Variants in RORA observed in about 807,000 individuals in gnomAD.
RORA encodes the protein nuclear receptor ROR-alpha.
RORA carries 7 observed loss-of-function variants against 69.5 expected under a neutral mutation model. The observed-to-expected ratio is 0.10, with a 90% CI of 0.06 to 0.19. The LOEUF (loss-of-function observed/expected upper bound fraction) is 0.19, where lower values mean the gene tolerates loss of function less well. Ranked by LOEUF, RORA falls within the 10% of genes least tolerant of loss-of-function variation. RORA has a pLI of 1.00. For missense variants in RORA, 457 were observed against 663.0 expected, an observed-to-expected ratio of 0.69 and a Z score of 3.41; for synonymous variants, 261 against 240.8, an observed-to-expected ratio of 1.08 and a Z score of -0.78.
intron 1 of RORA, among the ~76,000 whole-genome samples, chr15:61,103,191 G>C (rs904463737): frequency 1.2e-4 from 18 of 152,176 alleles, no homozygotes; most frequent in Non-Finnish European, 1.5e-5. Flanking sequence ...GTGAGATGTG[G>C]GCTGCCCTCC....
chr15:61,047,660 G>A (rs782948), intron 1 of RORA, among the ~76,000 whole-genome samples: 8,982 of 152,068 alleles, frequency 0.059, 366 homozygotes, highest in East Asian at 0.15. Context: ...CTCATTTTGC[G>A]GTATTGTTCC....
intron 1 of RORA, among the ~76,000 whole-genome samples, chr15:60,689,828 G>T (rs944019087): frequency 3.3e-5 from 5 of 152,116 alleles, no homozygotes; most frequent in Admixed American, 6.5e-5. Flanking sequence ...AGGATTTCTA[G>T]CAACTACCAG....
chr15:60,949,740 A>G (rs1893024238), intron 1 of RORA, among the ~76,000 whole-genome samples: 1 of 152,156 alleles, frequency 6.6e-6, no homozygotes, highest in South Asian at 2.1e-4. Context: ...TTAGCATTAC[A>G]TTTCCCATGT....
intron 1 of RORA, among the ~76,000 whole-genome samples, chr15:61,009,591 TAAC>T (rs935759071): frequency 8.5e-5 from 13 of 152,358 alleles, no homozygotes; most frequent in South Asian, 6.2e-4. Flanking sequence ...ATGAAGCTGT[TAAC>T]AACAGTGAGA....
chr15:60,739,549 T>A (rs1252646788), intron 1 of RORA, among the ~76,000 whole-genome samples: 1 of 151,518 alleles, frequency 6.6e-6, no homozygotes, highest in East Asian at 1.9e-4. Flanking sequence ...CCAGGCTGGG[T>A]AACACAGCAA....
chr15:60,581,253 G>C (rs753366567), intron 2 of RORA, among the ~76,000 whole-genome samples: 14 of 152,168 alleles, frequency 9.2e-5, no homozygotes, highest in Non-Finnish European at 2.1e-4. Flanking sequence ...ACAGCAGCAG[G>C]GGGCTTAGAA....
At chr15:60,549,611 A>G (rs1214221756) in intron 2 of RORA, among the ~76,000 whole-genome samples, 3 of 152,218 alleles carry the variant, frequency 2.0e-5, no homozygotes, top group Non-Finnish European at 4.4e-5. Context: ...AAATTCTCAC[A>G]GAAAGATTGC....
At chr15:60,925,949 T>C (rs1321005619) in intron 1 of RORA, among the ~76,000 whole-genome samples, 1 of 152,190 alleles carries the variant, frequency 6.6e-6, no homozygotes, top group Non-Finnish European at 1.5e-5. Flanking sequence ...ACACATCACA[T>C]GGTGACCAAA....
At chr15:60,955,918 A>G (rs567314825) in intron 1 of RORA, among the ~76,000 whole-genome samples, 6 of 152,370 alleles carry the variant, frequency 3.9e-5, no homozygotes, top group African/African-American at 1.4e-4. Flanking sequence ...GACATCTGAA[A>G]TTGCAAAGCG....
intron 1 of RORA, among the ~76,000 whole-genome samples, chr15:60,895,651 A>G (rs1232479686): frequency 6.6e-6 from 1 of 152,234 alleles, no homozygotes; most frequent in African/African-American, 2.4e-5. Flanking sequence ...AAAATAAAAT[A>G]AACTCTGTCA....
At chr15:60,993,158 A>C (rs1396909316) in intron 1 of RORA, among the ~76,000 whole-genome samples, 1 of 152,194 alleles carries the variant, frequency 6.6e-6, no homozygotes, top group Non-Finnish European at 1.5e-5. Flanking sequence ...TCCAAGTTGA[A>C]AAAGTACCCT....
At chr15:61,107,635 T>G (rs1287137730) in intron 1 of RORA, among the ~76,000 whole-genome samples, 2 of 152,016 alleles carry the variant, frequency 1.3e-5, no homozygotes, top group African/African-American at 4.8e-5. Context: ...ACTATTGATA[T>G]GTTAATTAAA....
intron 1 of RORA, among the ~76,000 whole-genome samples, chr15:61,214,863 CT>C (rs34041868): frequency 2.4e-3 from 252 of 107,058 alleles, no homozygotes; most frequent in African/African-American, 6.4e-3. Context: ...CCTTCTTGGA[CT>C]TTTTTTTTTT....
At chr15:60,593,121 G>A (rs979203718) in intron 2 of RORA, 1 of 320,028 alleles carries the variant, frequency 3.1e-6, no homozygotes, top group South Asian at 2.3e-5. Context: ...AAGTCTTTCT[G>A]GAGAGACTCG....
At chr15:61,008,401 G>A (rs747536544) in intron 1 of RORA, among the ~76,000 whole-genome samples, 31 of 152,046 alleles carry the variant, frequency 2.0e-4, no homozygotes, top group Non-Finnish European at 1.5e-5. Context: ...TATTCCAGCT[G>A]CACCCACAAG....
intron 1 of RORA, among the ~76,000 whole-genome samples, chr15:60,780,249 T>G (rs1198777918): frequency 6.6e-6 from 1 of 152,224 alleles, no homozygotes; most frequent in East Asian, 1.9e-4. Context: ...GAGACTCTTA[T>G]GTCCAATTCA....
chr15:60,672,705 G>A (rs557857553), intron 2 of RORA, among the ~76,000 whole-genome samples: 135 of 152,206 alleles, frequency 8.9e-4, no homozygotes, highest in Admixed American at 2.2e-3. Context: ...TTTAAAATGC[G>A]GGTGCAAGCA....
intron 2 of RORA, among the ~76,000 whole-genome samples, chr15:60,666,386 A>G (rs1484996886): frequency 3.1e-5 from 4 of 127,688 alleles, no homozygotes; most frequent in Middle Eastern, 4.8e-3. Context: ...TGGTCTCCCT[A>G]TGTTTTCCAG....
At chr15:60,858,747 G>C (rs1027816576) in intron 1 of RORA, among the ~76,000 whole-genome samples, 3 of 142,464 alleles carry the variant, frequency 2.1e-5, no homozygotes, top group African/African-American at 5.2e-5. Flanking sequence ...CAAAACCTCA[G>C]TTTGGTCAAT....
Sources: gnomAD v4.1 joint callset for allele counts (sites outside exome capture counted in the v4.1 genomes callset) on GRCh38, gnomAD v4.1.1 for gene constraint, MANE v1.5 for transcripts, NCBI Gene and HGNC (gene_info 2026-07-23, HGNC 2026-07-21) for gene names.